OPCML: variants seen among roughly 807,000 people sequenced by gnomAD.
OPCML encodes the protein opioid-binding protein/cell adhesion molecule.
Under a neutral mutation model 37.8 loss-of-function variants are expected in OPCML, and 13 were observed. The observed-to-expected ratio is 0.34, with a 90% CI of 0.22 to 0.55. The LOEUF (loss-of-function observed/expected upper bound fraction) is 0.55. Among genes scored for constraint, OPCML ranks in the 20% least tolerant of loss-of-function variants. OPCML has a pLI of 0.91. For missense variants in OPCML, 341 were observed against 435.6 expected, an observed-to-expected ratio of 0.78 and a Z score of 1.93; for synonymous variants, 176 against 168.8, an observed-to-expected ratio of 1.04 and a Z score of -0.33.
chr11:133,328,023 C>T (rs938446439), intron 1 of OPCML, among the ~76,000 whole-genome samples: 1 of 152,160 alleles, frequency 6.6e-6, no homozygotes, highest in African/African-American at 2.4e-5. Flanking sequence ...AACTCCTATG[C>T]TTACTAAAAA....
intron 1 of OPCML, among the ~76,000 whole-genome samples, chr11:133,236,315 G>T (rs565455812): frequency 6.6e-6 from 1 of 152,126 alleles, no homozygotes; most frequent in East Asian, 1.9e-4. Flanking sequence ...GGCACAGGAC[G>T]GCACGAGGTC....
intron 3 of OPCML, 57 bp from the exon 4 acceptor site, chr11:132,529,243 A>C: frequency 6.5e-7 from 1 of 1,542,050 alleles, no homozygotes; most frequent in Non-Finnish European, 8.8e-7. Context: ...ACTTAAAAGG[A>C]GGTGTTAGCC....
At chr11:132,542,991 T>C (rs185758378) in intron 3 of OPCML, among the ~76,000 whole-genome samples, 1 of 152,286 alleles carries the variant, frequency 6.6e-6, no homozygotes, top group Admixed American at 6.5e-5. Context: ...ACTCTTTATC[T>C]TGGGAGGAAG....
intron 7 of OPCML, among the ~76,000 whole-genome samples, chr11:132,429,900 C>T (rs1038082029): frequency 2.0e-5 from 3 of 152,044 alleles, no homozygotes; most frequent in African/African-American, 4.8e-5. Flanking sequence ...GGCTGACCCC[C>T]GGGAAGACTG....
At chr11:133,432,296 A>G (rs184624254) in intron 1 of OPCML, among the ~76,000 whole-genome samples, 5 of 152,252 alleles carry the variant, frequency 3.3e-5, no homozygotes, top group Admixed American at 3.3e-4. Context: ...AGGTCATTCT[A>G]TTTTTGCTGT....
intron 1 of OPCML, among the ~76,000 whole-genome samples, chr11:133,058,017 C>T (rs1565423697): frequency 6.6e-6 from 1 of 152,230 alleles, no homozygotes; most frequent in Non-Finnish European, 1.5e-5. Flanking sequence ...ACCTCCAGGG[C>T]TAGAGCTATG....
chr11:132,623,793 T>C lies in OPCML; in HGVS notation c.379+33294A>G, dbSNP rs548037956. ...GATGACAGTAAAAATACATTGCTTT[T>C]CTATGCTTACTCTTTTGCTTAAAAA... On this transcript the variant is annotated intron_variant, in intron 3 of 7. Coordinates refer to ENST00000524381, the MANE Select transcript of OPCML (RefSeq NM_001012393.5). Among the ~76,000 whole-genome samples the C allele has an allele frequency of 1.9e-4, 29 of 152,330 alleles. No individual in the cohort carries two copies. In the South Asian group the frequency reaches 5.8e-3, roughly 31 times the overall value.
intron 2 of OPCML, among the ~76,000 whole-genome samples, chr11:132,815,629 C>G (rs557384087): frequency 6.6e-6 from 1 of 152,262 alleles, no homozygotes; most frequent in South Asian, 2.1e-4. Flanking sequence ...ACAGAGTACT[C>G]TTTCCAGTAG....
intron 1 of OPCML, among the ~76,000 whole-genome samples, chr11:133,237,284 G>A (rs1940556184): frequency 6.6e-6 from 1 of 152,204 alleles, no homozygotes; most frequent in African/African-American, 2.4e-5. Context: ...GTGGGGGGTG[G>A]AGCCCACATG....
chr11:133,440,761 A>AT (rs1219794027), intron 1 of OPCML, among the ~76,000 whole-genome samples: 1 of 119,540 alleles, frequency 8.4e-6, no homozygotes. Flanking sequence ...ACCTACAGCA[A>AT]TTATATATAT....
intron 2 of OPCML, among the ~76,000 whole-genome samples, chr11:132,874,668 A>G (rs1210441394): frequency 3.9e-5 from 6 of 152,210 alleles, no homozygotes; most frequent in African/African-American, 1.4e-4. Context: ...AACCACCAGT[A>G]GATAAGCTTC....
At chr11:132,441,629 T>C (rs2136780101) in intron 4 of OPCML, among the ~76,000 whole-genome samples, 1 of 152,262 alleles carries the variant, frequency 6.6e-6, no homozygotes, top group Middle Eastern at 3.4e-3. Flanking sequence ...AGCATCCCAA[T>C]ATAACAAGGT....
chr11:132,626,902 T>G (rs1939783025), intron 3 of OPCML, among the ~76,000 whole-genome samples: 1 of 148,038 alleles, frequency 6.8e-6, no homozygotes, highest in Non-Finnish European at 1.5e-5. Context: ...ATGTTTTATA[T>G]ATATAAAACA....
intron 1 of OPCML, among the ~76,000 whole-genome samples, chr11:133,272,575 C>T (rs992065715): frequency 1.3e-5 from 2 of 152,312 alleles, no homozygotes; most frequent in Admixed American, 6.5e-5. Context: ...TCCTTCCCCT[C>T]TGGGCCGGCC....
chr11:132,664,429 C>A lies in OPCML; in HGVS notation c.147-7110G>T, dbSNP rs562031467. Among the ~76,000 whole-genome samples the A allele has an allele frequency of 5.1e-4, 77 of 152,232 alleles. No homozygotes were observed. The South Asian group carries it at 0.016, about 32-fold the overall frequency. On this transcript the variant is annotated intron_variant, in intron 2 of 7. Coordinates refer to ENST00000524381, the MANE Select transcript of OPCML (RefSeq NM_001012393.5). Reference sequence around the variant, plus strand: ...TCTGAATTTACTTTTTTAATACATTCCCCCATATTATCTTGTAACTTTTTG... The same window carrying A: ...TCTGAATTTACTTTTTTAATACATTACCCCATATTATCTTGTAACTTTTTG...
intron 2 of OPCML, among the ~76,000 whole-genome samples, chr11:132,787,298 C>A (rs978408108): frequency 6.6e-6 from 1 of 152,172 alleles, no homozygotes; most frequent in Non-Finnish European, 1.5e-5. Context: ...TGAGCAAAAT[C>A]TCTGAGCTTA....
chr11:133,354,407 TATAAA>T (rs1166428149), intron 1 of OPCML, among the ~76,000 whole-genome samples: 2 of 143,278 alleles, frequency 1.4e-5, no homozygotes, highest in East Asian at 4.0e-4. Context: ...GAATGCTTAC[TATAAA>T]ATGTTATCTT....
chr11:133,027,611 T>C (rs76238034), intron 1 of OPCML, among the ~76,000 whole-genome samples: 15,483 of 147,936 alleles, frequency 0.1, 1,247 homozygotes, highest in East Asian at 0.31. Flanking sequence ...GTGCATGGTG[T>C]GTGTGTTTGG....
chr11:132,849,124 GT>G (rs1941684800), intron 2 of OPCML, among the ~76,000 whole-genome samples: 1 of 152,176 alleles, frequency 6.6e-6, no homozygotes, highest in Admixed American at 6.5e-5. Flanking sequence ...ATGTTAAATA[GT>G]TTACAATGCT....
Sources: allele counts gnomAD v4.1 joint callset (sites outside exome capture counted in the v4.1 genomes callset), GRCh38; gene constraint gnomAD v4.1.1; transcripts MANE v1.5; gene names NCBI Gene and HGNC (gene_info 2026-07-23, HGNC 2026-07-21).